The following DMXL1 variants were observed in gnomAD, a reference collection of about 807,000 sequenced individuals.
DMXL1 encodes the protein Dmx like 1.
A neutral mutation model predicts 319.2 loss-of-function variants in DMXL1; 99 were observed. The observed-to-expected ratio is 0.31, with a 90% CI of 0.26 to 0.37. The LOEUF is 0.37. Among genes scored for constraint, DMXL1 ranks in the 10% least tolerant of loss-of-function variants. The pLI, the probability that DMXL1 is intolerant of heterozygous loss-of-function variation, is 1.00. For missense variants in DMXL1, 3,745 were observed against 3,595.6 expected (o/e 1.04, Z -1.06); for synonymous variants, 1,385 against 1,235.2 (o/e 1.12, Z -2.54).
intron 9 of DMXL1, among the ~76,000 whole-genome samples, chr5:119,122,078 G>A (rs1316848604): frequency 4.8e-5 from 7 of 144,342 alleles, no homozygotes; most frequent in East Asian, 2.1e-4. Context: ...GCGGCTGGCC[G>A]GGCGGGGGGC....
At chr5:119,133,098 T>A in intron 10 of DMXL1, 34 bp from the exon 11 acceptor site, 1 of 1,608,614 alleles carries the variant, frequency 6.2e-7, no homozygotes, top group Non-Finnish European at 8.5e-7. Context: ...AACCTGTTTG[T>A]ATTTACTTGG....
chr5:119,144,521 T>G lies in DMXL1; in HGVS notation c.2467-15T>G. 1 of 1,558,654 alleles carries G rather than the reference T, an allele frequency of 6.4e-7. No homozygotes were observed. The highest frequency in any genetic ancestry group is 8.7e-7 in the Non-Finnish European group (1 of 1,145,390). On this transcript the variant is annotated splice_polypyrimidine_tract_variant and intron_variant, in intron 14 of 43. Coordinates refer to ENST00000539542, the MANE Select transcript of DMXL1 (RefSeq NM_001290321.3). ...ACACATAGGTCAACTTACGTTGATA[T>G]TTATTTATATTCAGCATGGCAGAAA...
intron 24 of DMXL1, 104 bp downstream of exon 24, chr5:119,171,384 T>G: frequency 1.7e-6 from 2 of 1,199,138 alleles, no homozygotes; most frequent in Non-Finnish European, 2.3e-6. Flanking sequence ...TTATTACGGT[T>G]GCTTTAGGGA....
At chr5:119,157,332 T>A (rs1484337204) in intron 19 of DMXL1, among the ~76,000 whole-genome samples, 1 of 152,248 alleles carries the variant, frequency 6.6e-6, no homozygotes, top group East Asian at 1.9e-4. Flanking sequence ...TTTGATGTCA[T>A]CCCATTTGTT....
chr5:119,197,226 G>T (rs1581263226), intron 31 of DMXL1, among the ~76,000 whole-genome samples: 1 of 152,114 alleles, frequency 6.6e-6, no homozygotes, highest in African/African-American at 2.4e-5. Context: ...TAAAGCAGGG[G>T]TGTCCAATCT....
intron 15 of DMXL1, among the ~76,000 whole-genome samples, chr5:119,145,747 A>T (rs1288328813): frequency 6.6e-6 from 1 of 151,734 alleles, no homozygotes; most frequent in Non-Finnish European, 1.5e-5. Flanking sequence ...GATTTTTCTT[A>T]AAATATTCAG....
chr5:119,152,307 G>A (rs1258377267), intron 19 of DMXL1, among the ~76,000 whole-genome samples: 1 of 152,054 alleles, frequency 6.6e-6, no homozygotes, highest in African/African-American at 2.4e-5. Flanking sequence ...AGGCAAATTA[G>A]TATTGTTTCA....
Position 119,170,809 on chromosome 5 carries a change from A to G in DMXL1, c.6018A>G (p.Glu2006=). 6.2e-7 allele frequency: 1 copy of G among 1,611,826 alleles called. No individual in the cohort carries two copies. The highest frequency in any genetic ancestry group is 1.7e-5 in the Admixed American group (1 of 59,628). Residue 2006 remains glutamate, a synonymous_variant, in exon 24 of 44, where the codon GAA becomes GAG. Coordinates refer to ENST00000539542, the MANE Select transcript of DMXL1 (RefSeq NM_001290321.3). Reference sequence around the variant, plus strand: ...ATGACATAAGTTCTAACTACACAGAATCTTTCAGCACACTAGATGAAAATG... The same window carrying G: ...ATGACATAAGTTCTAACTACACAGAGTCTTTCAGCACACTAGATGAAAATG... The part of the protein sequence containing the change: ...KLDDISSNYT[E]SFSTLDENDL...
Position 119,133,480 on chromosome 5 carries a change from T to C in DMXL1, c.1570-14T>C. Reference sequence around the variant, plus strand: ...TAATTTTATATGTTCTAACACTTGCTTTCTTGATTCTAGGTGTCCTTTGTT... The same window carrying C: ...TAATTTTATATGTTCTAACACTTGCCTTCTTGATTCTAGGTGTCCTTTGTT... On this transcript the variant is annotated splice_polypyrimidine_tract_variant and intron_variant, in intron 11 of 43. Coordinates refer to ENST00000539542, the MANE Select transcript of DMXL1 (RefSeq NM_001290321.3). 3.1e-6 allele frequency: 5 copies of C among 1,593,382 alleles called. No individual in the cohort carries two copies. The highest frequency in any genetic ancestry group is 3.4e-6 in the Non-Finnish European group (4 of 1,172,962).
At chr5:119,112,599 C>A (rs1378576626) in intron 5 of DMXL1, among the ~76,000 whole-genome samples, 1 of 151,932 alleles carries the variant, frequency 6.6e-6, no homozygotes, top group Non-Finnish European at 1.5e-5. Flanking sequence ...TATTTTGCAC[C>A]CCTCAGATAG....
At chr5:119,209,266 T>C (rs1306501285) in intron 34 of DMXL1, among the ~76,000 whole-genome samples, 2 of 152,206 alleles carry the variant, frequency 1.3e-5, no homozygotes, top group African/African-American at 4.8e-5. Flanking sequence ...GTTAAACGTT[T>C]TGTGAAACTA....
chr5:119,126,254 C>T (rs569691528), intron 9 of DMXL1, among the ~76,000 whole-genome samples: 1 of 152,130 alleles, frequency 6.6e-6, no homozygotes, highest in African/African-American at 2.4e-5. Flanking sequence ...TTGCCCTCCA[C>T]CCTGGGCAGC....
chr5:119,224,964 A>G (rs1000377363), intron 38 of DMXL1, among the ~76,000 whole-genome samples, 195 bp downstream of exon 38: 10 of 152,038 alleles, frequency 6.6e-5, no homozygotes, highest in African/African-American at 2.2e-4. Context: ...ATATTTCCCT[A>G]AAAGAGAAAG....
intron 1 of DMXL1, among the ~76,000 whole-genome samples, chr5:119,084,136 T>C (rs1752813822): frequency 1.3e-5 from 2 of 152,132 alleles, no homozygotes; most frequent in Non-Finnish European, 2.9e-5. Context: ...CCCTTTTTTT[T>C]TTAAGACGGA....
intron 34 of DMXL1, among the ~76,000 whole-genome samples, chr5:119,210,069 A>G (rs1382906491): frequency 2.6e-5 from 4 of 152,052 alleles, no homozygotes; most frequent in Non-Finnish European, 1.5e-5. Context: ...CCTGGGTACA[A>G]GCGATTCTCA....
chr5:119,126,625 A>C lies in DMXL1; in HGVS notation c.1103-2586A>C, dbSNP rs956607311. Reference sequence around the variant, plus strand: ...CTCTGTAAATAACAATAACAAAAAAAATTTTTGTCCTGCTGTTAAAATCCA... The same window carrying C: ...CTCTGTAAATAACAATAACAAAAAACATTTTTGTCCTGCTGTTAAAATCCA... On this transcript the variant is annotated intron_variant, in intron 9 of 43. Transcript: ENST00000539542. Among the ~76,000 whole-genome samples, 72 of 152,240 alleles carry C rather than the reference A, an allele frequency of 4.7e-4. 2 individuals carry two copies. Among genetic ancestry groups the C allele is most frequent in the Non-Finnish European group, 8.8e-5 (6 of 68,050 alleles).
chr5:119,095,674 A>G (rs1281368954), intron 1 of DMXL1, among the ~76,000 whole-genome samples: 1 of 152,246 alleles, frequency 6.6e-6, no homozygotes, highest in Non-Finnish European at 1.5e-5. Flanking sequence ...AGTGACAATC[A>G]GTATTCTCAA....
At chr5:119,158,209 T>G (rs1249868716) in intron 19 of DMXL1, among the ~76,000 whole-genome samples, 2 of 151,802 alleles carry the variant, frequency 1.3e-5, no homozygotes, top group African/African-American at 4.8e-5. Flanking sequence ...TCTAAGGTTT[T>G]TTTTTTTTTT....
At chr5:119,181,776 C>A (rs1044806703) in intron 28 of DMXL1, among the ~76,000 whole-genome samples, 7 of 152,070 alleles carry the variant, frequency 4.6e-5, no homozygotes, top group African/African-American at 1.4e-4. Context: ...TGCGCCACTG[C>A]ACTCCAGCCT....
Sources: gnomAD v4.1 joint callset for allele counts (sites outside exome capture counted in the v4.1 genomes callset) on GRCh38, gnomAD v4.1.1 for gene constraint, MANE v1.5 for transcripts, NCBI Gene and HGNC (gene_info 2026-07-23, HGNC 2026-07-21) for gene names.